The following ATF6 variants were observed in gnomAD, a reference collection of about 807,000 sequenced individuals.
The protein encoded by ATF6 is activating transcription factor 6, also known as cyclic AMP-dependent transcription factor ATF-6 alpha.
A neutral mutation model predicts 83.6 loss-of-function variants in ATF6; 53 were observed. The ratio of observed to expected loss-of-function variants is 0.63; its 90% CI spans 0.51 to 0.80. ATF6 has a LOEUF of 0.80. Among genes scored for constraint, ATF6 ranks in the 30% least tolerant of loss-of-function variants. The pLI, the probability that ATF6 is intolerant of heterozygous loss-of-function variation, is 0.00. For missense variants in ATF6, 744 were observed against 797.9 expected, an observed-to-expected ratio of 0.93 and a Z score of 0.81; for synonymous variants, 288 against 285.8, an observed-to-expected ratio of 1.01 and a Z score of -0.08.
Position 161,851,760 on chromosome 1 carries a change from T to C in ATF6, c.1358T>C (p.Val453Ala). 6.2e-7 allele frequency: 1 copy of C among 1,613,912 alleles called. No homozygotes were observed. The highest frequency in any genetic ancestry group is 8.5e-7 in the Non-Finnish European group (1 of 1,179,842). Residue 453 changes from valine (V) to alanine (A), a missense_variant, in exon 11 of 16, where the codon GTG becomes GCG. Transcript: ENST00000367942. ...HSVSNDKALM[V>A]LTEEPLLYIP... ...GTTTCAAATGACAAAGCCCTGATGG[T>C]GCTAACTGAAGAACCATTGCTTTAC... is the stretch of plus-strand genomic sequence containing the variant.
intron 14 of ATF6, among the ~76,000 whole-genome samples, chr1:161,899,456 C>T (rs993276180): frequency 1.3e-5 from 2 of 151,984 alleles, no homozygotes; most frequent in African/African-American, 2.4e-5. Flanking sequence ...TTTTCAAAAC[C>T]GATTCTCTGT....
chr1:161,936,696 C>T (rs1336121866), intron 15 of ATF6, among the ~76,000 whole-genome samples: 1 of 152,160 alleles, frequency 6.6e-6, no homozygotes, highest in Non-Finnish European at 1.5e-5. Flanking sequence ...AATATCCACA[C>T]TCACATTTTT....
chr1:161,785,657 G>A (rs1012755842), intron 4 of ATF6, among the ~76,000 whole-genome samples: 2 of 151,962 alleles, frequency 1.3e-5, no homozygotes, highest in Non-Finnish European at 2.9e-5. Context: ...TAAATAACCT[G>A]GTACATAAGT....
intron 15 of ATF6, among the ~76,000 whole-genome samples, chr1:161,920,290 C>CTTTTTT (rs1571237665): frequency 4.0e-5 from 1 of 25,156 alleles, no homozygotes; most frequent in African/African-American, 1.8e-4. Flanking sequence ...CTCTCTCTCT[C>CTTTTTT]TCTCTTTTTT....
At chr1:161,890,663 T>A (rs1273024176) in intron 14 of ATF6, among the ~76,000 whole-genome samples, 1 of 152,210 alleles carries the variant, frequency 6.6e-6, no homozygotes, top group Non-Finnish European at 1.5e-5. Flanking sequence ...TGGTCCTCGA[T>A]GCTCTAGCGG....
Position 161,802,203 on chromosome 1 carries a change from C to T in ATF6, c.840C>T (p.Ser280=), listed in dbSNP as rs534635340. The T allele has an allele frequency of 3.1e-6, 5 of 1,614,022 alleles. No homozygotes were observed. The highest frequency in any genetic ancestry group is 2.7e-5 in the African/African-American group (2 of 75,022). ...VNVVPAPSAN[S]PVNGKLSVTK... Reference sequence around the variant, plus strand: ...TGGTACCAGCCCCTTCAGCGAATAGCCCAGTGAATGGAAAACTTTCCGTGA... The same window carrying T: ...TGGTACCAGCCCCTTCAGCGAATAGTCCAGTGAATGGAAAACTTTCCGTGA... The change falls in exon 7 of 16, where the codon AGC becomes AGT. Residue 280 remains serine, a synonymous_variant. Coordinates refer to ENST00000367942, the MANE Select transcript of ATF6 (RefSeq NM_007348.4).
intron 15 of ATF6, among the ~76,000 whole-genome samples, chr1:161,956,502 T>C (rs1167360405): frequency 1.3e-5 from 2 of 152,208 alleles, no homozygotes; most frequent in East Asian, 1.9e-4. Flanking sequence ...GGCTAACTTA[T>C]AGACTTTCAG....
At chr1:161,824,675 G>A (rs981535569) in intron 9 of ATF6, among the ~76,000 whole-genome samples, 2 of 152,128 alleles carry the variant, frequency 1.3e-5, no homozygotes, top group South Asian at 4.1e-4. Flanking sequence ...CACCCAATTA[G>A]TAGGAATTAT....
At chr1:161,875,691 A>G (rs1687203788) in intron 14 of ATF6, among the ~76,000 whole-genome samples, 1 of 151,858 alleles carries the variant, frequency 6.6e-6, no homozygotes, top group Non-Finnish European at 1.5e-5. Context: ...CTAAACAACT[A>G]TAATTTATCA....
chr1:161,927,371 G>A (rs1688339828), intron 15 of ATF6, among the ~76,000 whole-genome samples: 1 of 152,132 alleles, frequency 6.6e-6, no homozygotes, highest in South Asian at 2.1e-4. Context: ...GTCTCACGGT[G>A]TTGCCCAGGC....
chr1:161,830,569 A>G (rs1686028724), intron 9 of ATF6, among the ~76,000 whole-genome samples: 1 of 152,328 alleles, frequency 6.6e-6, no homozygotes, highest in South Asian at 2.1e-4. Flanking sequence ...TACAGTAACC[A>G]AAACAGCATG....
chr1:161,897,623 G>T (rs1319671111), intron 14 of ATF6, among the ~76,000 whole-genome samples: 2 of 152,130 alleles, frequency 1.3e-5, no homozygotes, highest in African/African-American at 4.8e-5. Context: ...TTTCCCAAAA[G>T]AAGTTTATCT....
intron 14 of ATF6, among the ~76,000 whole-genome samples, 169 bp from the exon 15 acceptor site, chr1:161,912,126 AT>A (rs2101888538): frequency 6.6e-6 from 1 of 152,342 alleles, no homozygotes; most frequent in South Asian, 2.1e-4. Context: ...TATTACATTA[AT>A]GAATGAATGA....
At chr1:161,860,318 A>G in intron 13 of ATF6, 41 bp downstream of exon 13, 1 of 1,424,072 alleles carries the variant, frequency 7.0e-7, no homozygotes, top group Non-Finnish European at 9.4e-7. Flanking sequence ...AATTTAAAAT[A>G]GCTGGTATTT....
chr1:161,810,708 C>T (rs1685434234), intron 7 of ATF6, among the ~76,000 whole-genome samples: 1 of 151,962 alleles, frequency 6.6e-6, no homozygotes, highest in South Asian at 2.1e-4. Context: ...CTGTCTAATT[C>T]CAGAATATTT....
Position 161,846,528 on chromosome 1 carries a change from G to A in ATF6, c.1267G>A (p.Ala423Thr). The A allele has an allele frequency of 6.2e-7, 1 of 1,611,922 alleles. No individual in the cohort carries two copies. The highest frequency in any genetic ancestry group is 1.1e-5 in the South Asian group (1 of 90,976). Residue 423 changes from alanine to threonine, a missense_variant, in exon 10 of 16, where the codon GCT becomes ACT. Transcript: ENST00000367942. ...AAGGAGGCACCTTCTAGGATTTTCT[G>A]CTAAAGAGGCACAGGACACATCAGA... ...NQRRHLLGFS[A>T]KEAQDTSDGI...
At chr1:161,911,889 C>G (rs1258059648) in intron 14 of ATF6, among the ~76,000 whole-genome samples, 1 of 152,148 alleles carries the variant, frequency 6.6e-6, no homozygotes, top group Non-Finnish European at 1.5e-5. Flanking sequence ...ATTATCTAGT[C>G]TAGCCCCCAT....
intron 15 of ATF6, among the ~76,000 whole-genome samples, chr1:161,949,378 G>A (rs1017932506): frequency 1.3e-5 from 2 of 152,302 alleles, no homozygotes; most frequent in South Asian, 4.1e-4. Flanking sequence ...TTGAATTGAG[G>A]CTCAGAAGTA....
At chr1:161,788,324 A>G (rs773225227) in intron 4 of ATF6, among the ~76,000 whole-genome samples, 12 of 152,166 alleles carry the variant, frequency 7.9e-5, no homozygotes, top group Admixed American at 1.3e-4. Context: ...TTCAACATTT[A>G]TTTACATTCT....
Sources: allele counts gnomAD v4.1 joint callset (sites outside exome capture counted in the v4.1 genomes callset), GRCh38; gene constraint gnomAD v4.1.1; transcripts MANE v1.5; gene names NCBI Gene and HGNC (gene_info 2026-07-23, HGNC 2026-07-21).